CDC37: variants seen among roughly 807,000 people sequenced by gnomAD.
CDC37 encodes hsp90 co-chaperone Cdc37.
A neutral mutation model predicts 46.9 loss-of-function variants in CDC37; 9 were observed. The ratio of observed to expected loss-of-function variants is 0.19; its 90% CI spans 0.12 to 0.33. CDC37 has a LOEUF of 0.33. Among genes scored for constraint, CDC37 ranks in the 10% least tolerant of loss-of-function variants. The pLI is 1.00. For synonymous variants in CDC37, 193 were observed against 191.0 expected (o/e 1.01, Z -0.09); for missense variants, 388 against 514.6 (o/e 0.75, Z 2.38).
At position 10,391,503 on chromosome 19, in the gene CDC37, G is replaced by A. The variant is rs748573647; in HGVS notation, c.*48C>T. On this transcript the variant is annotated 3_prime_UTR_variant, in exon 8 of 8. Coordinates refer to ENST00000222005, the MANE Select transcript of CDC37 (RefSeq NM_007065.4). Reference sequence around the variant, plus strand: ...ATGGCATCTATCTGTTTTCTGAAAAGGGGCACATAGGGGCCTGGAAGCAGG... The same window carrying A: ...ATGGCATCTATCTGTTTTCTGAAAAAGGGCACATAGGGGCCTGGAAGCAGG... The A allele has an allele frequency of 5.0e-6, 8 of 1,607,950 alleles. No individual in the cohort carries two copies. Among genetic ancestry groups the A allele is most frequent in the Non-Finnish European group, 6.8e-6 (8 of 1,174,704 alleles).
At chr19:10,399,931 TAAAAAAAAAAAA>T (rs56162717) in intron 1 of CDC37, among the ~76,000 whole-genome samples, 8 of 48,336 alleles carry the variant, frequency 1.7e-4, no homozygotes, top group Non-Finnish European at 2.6e-4. Flanking sequence ...GACTCCGTCT[TAAAAAAAAAAAA>T]AAAAAAAAAA....
Position 10,391,622 on chromosome 19 carries a change from C to T in CDC37, c.1066G>A (p.Glu356Lys), listed in dbSNP as rs779012581. Residue 356 changes from glutamate (E) to lysine (K), a missense_variant, in exon 8 of 8, where the codon GAG (glutamate) becomes AAG (lysine). Physicochemically the swap from Glu to Lys is moderately conservative, Grantham distance 56 (BLOSUM62 1). This residue lies in a region of CDC37 where 374 missense variants were observed against 467.4 expected (regional missense o/e 0.80). Transcript: ENST00000222005. ...SKASEAKEGE[E>K]AGPGDPLLEA... ...AGTAATGGGTCCCCAGGACCTGCCT[C>T]CTCTCCCTCCTTGGCCTCGCTGGCC... 3 of 1,614,224 alleles carry T rather than the reference C, an allele frequency of 1.9e-6. No individual in the cohort carries two copies. Among genetic ancestry groups the T allele is most frequent in the East Asian group, 2.2e-5 (1 of 44,884 alleles).
At chr19:10,402,336 C>T (rs1471832997) in intron 1 of CDC37, among the ~76,000 whole-genome samples, 2 of 151,772 alleles carry the variant, frequency 1.3e-5, no homozygotes, top group Admixed American at 6.6e-5. Context: ...GGTCTGGATT[C>T]GGGACCTCTG....
At position 10,393,382 on chromosome 19, in the gene CDC37, A is replaced by G. The variant is rs781564306; in HGVS notation, c.786T>C (p.Arg262=). The change falls in exon 6 of 8, where the codon CGT becomes CGC. Residue 262 remains arginine (R), a synonymous_variant. Coordinates refer to ENST00000222005, the MANE Select transcript of CDC37 (RefSeq NM_007065.4). The surrounding 1 kb of genome is among the most constrained non-coding windows in gnomAD (Gnocchi z 4.9). ...TGCGCAGCTTGGCACGGCCCCGCACACGCTCCTTGAAGGCTTCCAGCTCGT... is the reference window on the plus strand; with the variant it reads ...TGCGCAGCTTGGCACGGCCCCGCACGCGCTCCTTGAAGGCTTCCAGCTCGT... ...FNDELEAFKE[R]VRGRAKLRIE... 2.5e-6 allele frequency: 4 copies of G among 1,613,860 alleles called. No individual in the cohort carries two copies. The highest frequency in any genetic ancestry group is 2.5e-6 in the Non-Finnish European group (3 of 1,179,962).
chr19:10,395,587 G>T, intron 2 of CDC37, 44 bp from the exon 3 acceptor site: 2 of 1,442,182 alleles, frequency 1.4e-6, no homozygotes, highest in South Asian at 1.1e-5. Context: ...CAAGGCTGCG[G>T]AGCGCCTCGA....
intron 1 of CDC37, among the ~76,000 whole-genome samples, chr19:10,402,887 C>A (rs1208416294): frequency 1.3e-5 from 2 of 151,626 alleles, no homozygotes; most frequent in African/African-American, 2.4e-5. Context: ...GAATGGGAAC[C>A]CCGGATCAAG....
intron 1 of CDC37, among the ~76,000 whole-genome samples, chr19:10,397,910 C>T (rs2042500288): frequency 6.6e-6 from 1 of 152,058 alleles, no homozygotes; most frequent in African/African-American, 2.4e-5. Context: ...GGCTCCTGGT[C>T]CCCGCCTCAC....
chr19:10,395,155 AACAGGC>A lies in CDC37; in HGVS notation c.604-18_604-13del, dbSNP rs746798040. 18 of 1,606,234 alleles carry A rather than the reference AACAGGC, an allele frequency of 1.1e-5. No homozygotes were observed. In the South Asian group the frequency reaches 1.7e-4, roughly 15 times the overall value. ...ATGAGTGCACATTTCTGCCAGGAAG[AACAGGC>A]ACAGCGTCACCAAGTGGCGGCCTCA... On this transcript the variant is annotated splice_polypyrimidine_tract_variant and intron_variant, in intron 4 of 7. Coordinates refer to ENST00000222005, the MANE Select transcript of CDC37 (RefSeq NM_007065.4).
At position 10,391,258 on chromosome 19, in the gene CDC37, A is replaced by G. The variant is rs1026517739; in HGVS notation, c.*293T>C. 8 of 440,326 alleles carry G rather than the reference A, an allele frequency of 1.8e-5. No individual in the cohort carries two copies. Among genetic ancestry groups the G allele is most frequent in the African/African-American group, 1.6e-4 (8 of 49,588 alleles). The allele number at this position is 440,326 out of a possible 1,614,324, so 27.3% of individuals were successfully genotyped here. A position where few individuals can be genotyped will look rare whatever the true frequency, so the allele number is the denominator to read the frequency against. On this transcript the variant is annotated 3_prime_UTR_variant, in exon 8 of 8. Coordinates refer to ENST00000222005, the MANE Select transcript of CDC37 (RefSeq NM_007065.4). ...GCCCCTTGGCTGGGGACCCTCCCCA[A>G]CTACCTGGTAGACCAGCCTGGTGAC... is the stretch of plus-strand genomic sequence containing the variant.
Position 10,393,235 on chromosome 19 carries a change from C to A in CDC37, c.909+24G>T. 6.2e-7 allele frequency: 1 copy of A among 1,612,694 alleles called. No homozygotes were observed. On this transcript the variant is annotated intron_variant, in intron 6 of 7. Transcript: ENST00000222005. The surrounding 1 kb of genome is among the most constrained non-coding windows in gnomAD (Gnocchi z 4.9). ...GGTCCCGCTCAGGGTCTTCCTGCTG[C>A]CCGCCTGGGCCGGGGAGCCCCACCT...
In CDC37 at chr19:10,403,508, C is replaced by G. The variant is rs1211247786; in HGVS notation, c.-29G>C. 6.4e-7 allele frequency: 1 copy of G among 1,568,058 alleles called. No individual in the cohort carries two copies. Among genetic ancestry groups the G allele is most frequent in the African/African-American group, 1.3e-5 (1 of 74,178 alleles). ...GCCTTGGCGGCCCAGCCCGCTCCGGCTCGGGTGGCGGCGACGGCGGCAGCA... is the reference window on the plus strand; with the variant it reads ...GCCTTGGCGGCCCAGCCCGCTCCGGGTCGGGTGGCGGCGACGGCGGCAGCA... On this transcript the variant is annotated 5_prime_UTR_variant, in exon 1 of 8. Transcript: ENST00000222005.
rs1033924106 is a variant in CDC37 at position 10,403,272 on chromosome 19, G to T, written c.102+106C>A. On this transcript the variant is annotated intron_variant, in intron 1 of 7. Coordinates refer to ENST00000222005, the MANE Select transcript of CDC37 (RefSeq NM_007065.4). ...AGCTCCTGAAAATCCAGACTGGGGGGGTGAGAATCCTAGGTGTGAACAGCG... is the reference window on the plus strand; with the variant it reads ...AGCTCCTGAAAATCCAGACTGGGGGTGTGAGAATCCTAGGTGTGAACAGCG... 3 of 800,522 alleles carry T rather than the reference G, an allele frequency of 3.7e-6. No homozygotes were observed. The African/African-American group carries it at 5.1e-5, about 14-fold the overall frequency. The allele number at this position is 800,522 out of a possible 1,614,324, so 49.6% of individuals were successfully genotyped here.
intron 1 of CDC37, among the ~76,000 whole-genome samples, chr19:10,399,955 A>AAAAAAAAAAAAAAAAAAAC: frequency 1.3e-5 from 2 of 148,498 alleles, no homozygotes; most frequent in South Asian, 4.3e-4. Context: ...AAAAAAAAAA[A>AAAAAAAAAAAAAAAAAAAC]AGCAGCTGTG....
Position 10,391,240 on chromosome 19 carries a change from G to T in CDC37, c.*311C>A. ...GCCCAGTGACGAGAGCCGGCCCCTT[G>T]GCTGGGGACCCTCCCCAACTACCTG... On this transcript the variant is annotated 3_prime_UTR_variant, in exon 8 of 8. Transcript: ENST00000222005. 1 of 411,506 alleles carries T rather than the reference G, an allele frequency of 2.4e-6. No individual in the cohort carries two copies. Among genetic ancestry groups the T allele is most frequent in the South Asian group, 2.6e-5 (1 of 37,832 alleles). 25.5% of individuals were successfully genotyped at this position (411,506 alleles called of 1,614,324 possible). A position where few individuals can be genotyped will look rare whatever the true frequency, so the allele number is the denominator to read the frequency against.
rs2042465211 is a variant in CDC37 at position 10,392,877 on chromosome 19, G to A, written c.981+209C>T. 1.7e-5 allele frequency: 10 copies of A among 596,928 alleles called. No individual in the cohort carries two copies. In the South Asian group the frequency reaches 2.0e-4, roughly 12 times the overall value. 37.0% of individuals were successfully genotyped at this position (596,928 alleles called of 1,614,324 possible). On this transcript the variant is annotated intron_variant, in intron 7 of 7. Transcript: ENST00000222005. ...TAACAGTGACAGTCACGAAGGACAT[G>A]CGCTCAAAGCTCAGCATTTATCTGC... is the stretch of plus-strand genomic sequence containing the variant.
At chr19:10,399,735 G>C (rs1451982522) in intron 1 of CDC37, among the ~76,000 whole-genome samples, 2 of 151,466 alleles carry the variant, frequency 1.3e-5, no homozygotes, top group Admixed American at 6.6e-5. Flanking sequence ...TTCGGGACCA[G>C]CCTGGCCAAC....
intron 1 of CDC37, among the ~76,000 whole-genome samples, chr19:10,402,368 G>C (rs1236573711): frequency 1.3e-5 from 2 of 151,948 alleles, no homozygotes; most frequent in Non-Finnish European, 2.9e-5. Flanking sequence ...TAGAAGAAGG[G>C]GTGGTGAATT....
At chr19:10,392,353 G>A (rs1050665104) in intron 7 of CDC37, among the ~76,000 whole-genome samples, 1 of 152,014 alleles carries the variant, frequency 6.6e-6, no homozygotes, top group Non-Finnish European at 1.5e-5. Context: ...TGGGAGCTGC[G>A]GTTTGCAGAA....
Position 10,403,481 on chromosome 19 carries a change from T to C in CDC37, c.-2A>G, listed in dbSNP as rs200324204. ...GTCCCACACGCTGTAGTCCACCATCTTGCCTTGGCGGCCCAGCCCGCTCCG... is the reference window on the plus strand; with the variant it reads ...GTCCCACACGCTGTAGTCCACCATCCTGCCTTGGCGGCCCAGCCCGCTCCG... On this transcript the variant is annotated 5_prime_UTR_variant, in exon 1 of 8. Coordinates refer to ENST00000222005, the MANE Select transcript of CDC37 (RefSeq NM_007065.4). 1.9e-6 allele frequency: 3 copies of C among 1,611,636 alleles called. No homozygotes were observed. The highest frequency in any genetic ancestry group is 2.2e-5 in the East Asian group (1 of 44,860).
Sources: allele counts gnomAD v4.1 joint callset (sites outside exome capture counted in the v4.1 genomes callset), GRCh38; gene constraint gnomAD v4.1.1; regional missense constraint gnomAD v4.1.1; non-coding constraint Gnocchi (gnomAD v3.1); transcripts MANE v1.5; gene names NCBI Gene and HGNC (gene_info 2026-07-23, HGNC 2026-07-21).